The following GLMN variants were observed in gnomAD, a reference collection of about 807,000 sequenced individuals.
GLMN encodes the protein glomulin, FKBP associated protein.
Under a neutral mutation model 87.8 loss-of-function variants are expected in GLMN, and 75 were observed. That is an observed-to-expected ratio of 0.85 (90% CI 0.71 to 1.04). The LOEUF is 1.04. Ranked by LOEUF, GLMN falls within the 50% of genes least tolerant of loss-of-function variation. GLMN has a pLI of 0.00. For synonymous variants in GLMN, 206 were observed against 221.6 expected, an observed-to-expected ratio of 0.93 and a Z score of 0.63; for missense variants, 588 against 658.8, an observed-to-expected ratio of 0.89 and a Z score of 1.18.
At chr1:92,303,928 G>T (rs1199284004), upstream of GLMN, 6 of 1,301,296 alleles carry the variant, frequency 4.6e-6, no homozygotes, top group Non-Finnish European at 6.6e-6. Flanking sequence ...GCTGATAAAT[G>T]AACTTTTCTA....
intron 16 of GLMN, among the ~76,000 whole-genome samples, chr1:92,251,002 A>G (rs1045939328): frequency 3.3e-5 from 5 of 152,196 alleles, no homozygotes; most frequent in Admixed American, 1.3e-4. Context: ...TCCCACCTCC[A>G]GCAACCAGCA....
the GLMN span, among the ~76,000 whole-genome samples, chr1:92,335,480 C>T: frequency 6.6e-6 from 1 of 152,070 alleles, no homozygotes; most frequent in Non-Finnish European, 1.5e-5. Context: ...AATCCCACCA[C>T]TCAACAATAA....
the GLMN span, among the ~76,000 whole-genome samples, chr1:92,362,067 A>G: frequency 9.9e-5 from 15 of 152,208 alleles, no homozygotes; most frequent in South Asian, 2.1e-4. Context: ...TCAAGAGGCA[A>G]ACTCTTCCTT....
In GLMN at chr1:92,288,940, T is replaced by A. The variant is rs1649089243; in HGVS notation, c.606A>T (p.Glu202Asp). The A allele has an allele frequency of 1.3e-6, 2 of 1,592,724 alleles. No homozygotes were observed. Among genetic ancestry groups the A allele is most frequent in the Non-Finnish European group, 1.7e-6 (2 of 1,160,854 alleles). ...ATTTCAGTAATTCATCCTTTAACTTTTCATTTTCCAGTGAGTTTTCTTTGT... is the reference window on the plus strand; with the variant it reads ...ATTTCAGTAATTCATCCTTTAACTTATCATTTTCCAGTGAGTTTTCTTTGT... The part of the protein sequence containing the change: ...IDNKENSLEN[E>D]KLKDELLKFC... The change falls in exon 6 of 19, where the codon GAA (glutamate) becomes GAT (aspartate). Residue 202 changes from glutamate (E) to aspartate (D), a missense_variant. By Grantham distance (45) the Glu-to-Asp change is conservative. Coordinates refer to ENST00000370360, the MANE Select transcript of GLMN (RefSeq NM_053274.3).
At chr1:92,348,565 T>A in the GLMN span, among the ~76,000 whole-genome samples, 1 of 152,234 alleles carries the variant, frequency 6.6e-6, no homozygotes, top group African/African-American at 2.4e-5. Context: ...TTCTAAGACT[T>A]CTGTCTCCTG....
intron 16 of GLMN, among the ~76,000 whole-genome samples, chr1:92,260,015 G>A (rs1201160526): frequency 6.6e-6 from 1 of 152,040 alleles, no homozygotes; most frequent in Non-Finnish European, 1.5e-5. Context: ...GATTACAGGT[G>A]TGAGCCACCA....
In GLMN at chr1:92,247,974, C is replaced by A; in HGVS notation, c.1489G>T (p.Glu497Ter). 1 of 1,264,008 alleles carries A rather than the reference C, an allele frequency of 7.9e-7. No individual in the cohort carries two copies. The highest frequency in any genetic ancestry group is 1.2e-5 in the South Asian group (1 of 83,780). The allele number at this position is 1,264,008 out of a possible 1,614,324, so 78.3% of individuals were successfully genotyped here. The change falls in exon 17 of 19, where the codon GAA (glutamate) becomes TAA (stop). Residue 497 changes from glutamate (E) to a stop codon, truncating the protein, a stop_gained. Transcript: ENST00000370360. LOFTEE classifies it high-confidence loss of function. ...AAATTATTCTCAATATTTCCAAGTTCTGTCCATAATCCAGTCTGTTAAGAA... is the reference window on the plus strand; with the variant it reads ...AAATTATTCTCAATATTTCCAAGTTATGTCCATAATCCAGTCTGTTAAGAA... ...ENDNQTGLWT[E>*]LGNIENNFLK... is the part of the protein sequence containing the mutation.
the GLMN span, among the ~76,000 whole-genome samples, chr1:92,306,234 T>C: frequency 1.3e-5 from 2 of 152,070 alleles, no homozygotes; most frequent in Admixed American, 6.6e-5. Flanking sequence ...GGGAAGTTAG[T>C]GTATAGGGTT....
At chr1:92,260,801 C>T (rs975912422) in intron 16 of GLMN, among the ~76,000 whole-genome samples, 1 of 146,744 alleles carries the variant, frequency 6.8e-6, no homozygotes, top group Non-Finnish European at 1.5e-5. Context: ...GTCCTATAGG[C>T]TGGCTGTATC....
chr1:92,328,909 T>C, the GLMN span, among the ~76,000 whole-genome samples: 1 of 152,138 alleles, frequency 6.6e-6, no homozygotes, highest in Non-Finnish European at 1.5e-5. Context: ...GTGATTGTTA[T>C]TGTTCTTGTG....
In GLMN at chr1:92,289,132, G is replaced by A. The variant is rs2101032547; in HGVS notation, c.414C>T (p.Asn138=). The A allele has an allele frequency of 6.3e-7, 1 of 1,594,952 alleles. No homozygotes were observed. Among genetic ancestry groups the A allele is most frequent in the South Asian group, 1.1e-5 (1 of 90,742 alleles). The stretch of plus-strand genomic sequence containing the variant: ...ATGCTAATCCAATTGAATATGCCTT[G>A]TTATGAAGTTTCTGAATCACTAAAA... ...PLQTVIQKLH[N]KAYSIGLALS... is the part of the protein sequence containing the mutation. The change falls in exon 6 of 19, where the codon AAC becomes AAT. Residue 138 remains asparagine (N), a synonymous_variant. Transcript: ENST00000370360.
At chr1:92,258,032 T>C (rs1246734037) in intron 16 of GLMN, among the ~76,000 whole-genome samples, 1 of 151,542 alleles carries the variant, frequency 6.6e-6, no homozygotes, top group Non-Finnish European at 1.5e-5. Flanking sequence ...AGGGCTAATA[T>C]CCAGAATCTA....
In GLMN at chr1:92,260,923, A is replaced by T. The variant is rs115162191; in HGVS notation, c.1473+1940T>A. On this transcript the variant is annotated intron_variant, in intron 16 of 18. Transcript: ENST00000370360. Reference sequence around the variant, plus strand: ...GCTCTCAGGTCTTCCCTCTCTAAGCAGAGACCAATCTGCTGCCTTTGTATT... The same window carrying T: ...GCTCTCAGGTCTTCCCTCTCTAAGCTGAGACCAATCTGCTGCCTTTGTATT... Among the ~76,000 whole-genome samples the T allele has an allele frequency of 5.9e-3, 895 of 152,312 alleles. 8 individuals are homozygous for T. The highest frequency in any genetic ancestry group is 0.019 in the African/African-American group (787 of 41,560).
At chr1:92,265,323 C>CA (rs67154270) in intron 13 of GLMN, among the ~76,000 whole-genome samples, 1,690 of 87,416 alleles carry the variant, frequency 0.019, 14 homozygotes, top group Non-Finnish European at 0.019. Flanking sequence ...AGCTTAATTG[C>CA]AAAAAAAAAA....
chr1:92,293,691 G>A (rs1044839836), intron 3 of GLMN, among the ~76,000 whole-genome samples: 2 of 152,142 alleles, frequency 1.3e-5, no homozygotes, highest in African/African-American at 4.8e-5. Context: ...CAATATCTCA[G>A]ATATGGAAGC....
intron 18 of GLMN, 64 bp downstream of exon 18, chr1:92,246,998 G>C (rs772773828): frequency 6.8e-6 from 6 of 880,254 alleles, no homozygotes; most frequent in African/African-American, 4.9e-5. Context: ...ACTCCAGCTT[G>C]GGCAAGATAG....
the GLMN span, among the ~76,000 whole-genome samples, chr1:92,312,716 A>G: frequency 2.0e-5 from 3 of 151,938 alleles, no homozygotes; most frequent in African/African-American, 7.3e-5. Flanking sequence ...GAAGTCTTGA[A>G]CCCCTCAAAG....
the GLMN span, chr1:92,320,651 A>G: frequency 4.4e-6 from 7 of 1,583,356 alleles, no homozygotes; most frequent in African/African-American, 4.0e-5. Flanking sequence ...TTGAATCAGT[A>G]TCATTTACCA....
At chr1:92,368,891 T>C in the GLMN span, among the ~76,000 whole-genome samples, 4 of 152,194 alleles carry the variant, frequency 2.6e-5, no homozygotes, top group Non-Finnish European at 4.4e-5. Context: ...ACTTACCATA[T>C]GGTAAAGAAT....
Sources: gnomAD v4.1 joint callset for allele counts (sites outside exome capture counted in the v4.1 genomes callset) on GRCh38, gnomAD v4.1.1 for gene constraint, MANE v1.5 for transcripts, NCBI Gene and HGNC (gene_info 2026-07-23, HGNC 2026-07-21) for gene names.